Variants in HACL1 observed in about 807,000 individuals in gnomAD.
HACL1 encodes 2-hydroxyacyl-CoA lyase 1.
HACL1 carries 64 observed loss-of-function variants against 74.2 expected under a neutral mutation model. The ratio of observed to expected loss-of-function variants is 0.86; its 90% confidence interval spans 0.70 to 1.06. HACL1 has a LOEUF of 1.06. Among genes scored for constraint, HACL1 ranks in the 50% least tolerant of loss-of-function variants. The pLI is 0.00. For missense variants in HACL1, 728 were observed against 719.7 expected (o/e 1.01, Z -0.13); for synonymous variants, 230 against 238.8 (o/e 0.96, Z 0.34).
intron 9 of HACL1, among the ~76,000 whole-genome samples, chr3:15,578,170 C>A (rs1437326313): frequency 1.1e-4 from 17 of 150,594 alleles, no homozygotes; most frequent in African/African-American, 4.1e-4. Flanking sequence ...TGCAATCCTA[C>A]TTCTTATACA....
rs2063531629 is a variant in HACL1 at position 15,571,743 on chromosome 3, T to C, written c.1020A>G (p.Pro340=). Residue 340 remains proline (P), a synonymous_variant, in exon 12 of 17, where the codon CCA becomes CCG. Transcript: ENST00000321169. ...KQLLEELDKT[P]WQYPPESKWW... is the part of the protein sequence containing the mutation. ...ACTTGCTCTCTGGAGGATACTGCCA[T>C]GGTGTTTTATCAAGTTCCTCTAAAA... is the stretch of plus-strand genomic sequence containing the variant. 2 of 1,470,302 alleles carry C rather than the reference T, an allele frequency of 1.4e-6. No homozygotes were observed. Among genetic ancestry groups the C allele is most frequent in the Non-Finnish European group, 9.4e-7 (1 of 1,059,616 alleles). 91.1% of individuals were successfully genotyped at this position (1,470,302 alleles called of 1,614,324 possible).
chr3:15,566,035 A>C (rs528441490), intron 14 of HACL1, among the ~76,000 whole-genome samples: 1 of 152,326 alleles, frequency 6.6e-6, no homozygotes, highest in East Asian at 1.9e-4. Flanking sequence ...ATTTTATATC[A>C]GGGACTTACT....
chr3:15,592,248 G>A (rs534788652), intron 3 of HACL1, among the ~76,000 whole-genome samples: 2 of 145,320 alleles, frequency 1.4e-5, no homozygotes, highest in Non-Finnish European at 3.0e-5. Context: ...GTATACATAC[G>A]TGTATATATG....
At chr3:15,571,871 G>C in intron 11 of HACL1, 102 bp from the exon 12 acceptor site, 1 of 515,698 alleles carries the variant, frequency 1.9e-6, no homozygotes, top group Non-Finnish European at 3.2e-6. Flanking sequence ...ACGAAGTCTC[G>C]TTCTGTCACC....
chr3:15,584,617 A>C (rs922540981), intron 7 of HACL1, among the ~76,000 whole-genome samples: 1 of 152,088 alleles, frequency 6.6e-6, no homozygotes, highest in African/African-American at 2.4e-5. Context: ...TCTTTGGTAC[A>C]CAGAGTATAC....
intron 8 of HACL1, among the ~76,000 whole-genome samples, chr3:15,581,680 A>T (rs1158922702): frequency 6.6e-6 from 1 of 152,128 alleles, no homozygotes; most frequent in Non-Finnish European, 1.5e-5. Flanking sequence ...CTATCTACAC[A>T]AGCAAATTGT....
intron 12 of HACL1, among the ~76,000 whole-genome samples, chr3:15,569,672 T>C (rs890978358): frequency 6.6e-6 from 1 of 151,972 alleles, no homozygotes; most frequent in African/African-American, 2.4e-5. Context: ...AAATACAAAA[T>C]TAGTCAGGCA....
chr3:15,583,646 TTTTTC>T (rs1344689464), intron 7 of HACL1, among the ~76,000 whole-genome samples: 4 of 151,666 alleles, frequency 2.6e-5, no homozygotes, highest in Non-Finnish European at 4.4e-5. Context: ...CTCTTTTTTT[TTTTTC>T]TTTTCTTTTT....
At chr3:15,591,059 C>T (rs968013484) in intron 4 of HACL1, among the ~76,000 whole-genome samples, 4 of 152,086 alleles carry the variant, frequency 2.6e-5, no homozygotes, top group African/African-American at 4.8e-5. Context: ...CCAGCCTGGG[C>T]GACAGAGAGA....
Position 15,560,852 on chromosome 3 carries a change from C to A in HACL1, c.*13G>T. 2 of 1,588,764 alleles carry A rather than the reference C, an allele frequency of 1.3e-6. No individual in the cohort carries two copies. The highest frequency in any genetic ancestry group is 8.6e-7 in the Non-Finnish European group (1 of 1,160,470). On this transcript the variant is annotated 3_prime_UTR_variant, in exon 17 of 17. Transcript: ENST00000321169. ...GAAAGAGAAAACTCAAGACCACCAA[C>A]TGGCGTCTTTATTTACATATTAGAG...
intron 1 of HACL1, 64 bp from the exon 2 acceptor site, chr3:15,601,258 C>T: frequency 6.5e-7 from 1 of 1,539,702 alleles, no homozygotes; most frequent in Non-Finnish European, 9.0e-7. Flanking sequence ...ATCCTTCCCT[C>T]CCTCCCGGGC....
intron 2 of HACL1, among the ~76,000 whole-genome samples, chr3:15,600,484 G>C (rs1332656644): frequency 6.6e-6 from 1 of 152,234 alleles, no homozygotes; most frequent in Non-Finnish European, 1.5e-5. Flanking sequence ...TCCTTATCCT[G>C]CTTCCAAATA....
intron 12 of HACL1, among the ~76,000 whole-genome samples, chr3:15,570,320 C>T (rs1291994010): frequency 4.0e-5 from 6 of 149,414 alleles, no homozygotes; most frequent in South Asian, 2.1e-4. Flanking sequence ...TCTAGCCTGG[C>T]GACAGAGTGA....
intron 5 of HACL1, among the ~76,000 whole-genome samples, chr3:15,588,180 C>T (rs2063825646): frequency 6.6e-6 from 1 of 152,202 alleles, no homozygotes; most frequent in African/African-American, 2.4e-5. Flanking sequence ...AGGGGTGAGC[C>T]ACCATGCCCG....
intron 3 of HACL1, among the ~76,000 whole-genome samples, chr3:15,592,103 GTATA>G (rs1292411337): frequency 2.2e-5 from 3 of 137,162 alleles, no homozygotes; most frequent in African/African-American, 8.9e-5. Flanking sequence ...CACTATATAC[GTATA>G]TATACACACT....
intron 5 of HACL1, among the ~76,000 whole-genome samples, chr3:15,588,609 A>AG (rs2063833268): frequency 6.6e-6 from 1 of 150,694 alleles, no homozygotes. Flanking sequence ...GAAAAAAAAA[A>AG]GAAAGAAAGA....
In HACL1 at chr3:15,573,713, A is replaced by G. The variant is rs186682664; in HGVS notation, c.910-471T>C. Among the ~76,000 whole-genome samples the G allele has an allele frequency of 4.3e-3, 654 of 152,310 alleles. 1 individual carries two copies. The highest frequency in any genetic ancestry group is 6.6e-3 in the Non-Finnish European group (449 of 68,012). On this transcript the variant is annotated intron_variant, in intron 10 of 16. Transcript: ENST00000321169. ...TCTGGCGTAGGGTCCAGAAATGTGC[A>G]TTTCTAACAGGTTTCGCAGGTGGTG...
chr3:15,562,548 T>C lies in HACL1; in HGVS notation c.1704+810A>G, dbSNP rs150546332. On this transcript the variant is annotated intron_variant, in intron 16 of 16. Coordinates refer to ENST00000321169, the MANE Select transcript of HACL1 (RefSeq NM_012260.4). ...GTTCACAAAAGAAAGAGATTCCATA[T>C]ATATAAGAACCAAGACAGAAAGTAC... is the stretch of plus-strand genomic sequence containing the variant. 4.6e-3 allele frequency among the ~76,000 whole-genome samples: 698 copies of C among 152,262 alleles called. 5 individuals are homozygous for C. The highest frequency in any genetic ancestry group is 0.011 in the Admixed American group (161 of 15,296).
At chr3:15,578,111 A>C (rs1019057610) in intron 9 of HACL1, among the ~76,000 whole-genome samples, 13 of 151,330 alleles carry the variant, frequency 8.6e-5, no homozygotes, top group South Asian at 4.2e-4. Flanking sequence ...AAAAAAAAAA[A>C]AAAAAAACCA....
Sources: gnomAD v4.1 joint callset for allele counts (sites outside exome capture counted in the v4.1 genomes callset) on GRCh38, gnomAD v4.1.1 for gene constraint, MANE v1.5 for transcripts, NCBI Gene and HGNC (gene_info 2026-07-23, HGNC 2026-07-21) for gene names.